CSMD1: variants seen among roughly 807,000 people sequenced by gnomAD.
CSMD1 encodes the protein CUB and sushi domain-containing protein 1.
Under a neutral mutation model 417.5 loss-of-function variants are expected in CSMD1, and 213 were observed. That is an observed-to-expected ratio of 0.51 (90% CI 0.46 to 0.57). The LOEUF (loss-of-function observed/expected upper bound fraction) is 0.57. Ranked by LOEUF, CSMD1 falls within the 20% of genes least tolerant of loss-of-function variation. The probability of loss-of-function intolerance (pLI) is 0.00; values close to 1 mark genes in which losing one functional copy is unlikely to be tolerated. For synonymous variants in CSMD1, 2,862 were observed against 1,736.8 expected, an observed-to-expected ratio of 1.65 and a Z score of -16.11; for missense variants, 6,923 against 4,529.7, an observed-to-expected ratio of 1.53 and a Z score of -15.17.
At chr8:3,538,406 T>A (rs1798294256) in intron 10 of CSMD1, among the ~76,000 whole-genome samples, 1 of 152,004 alleles carries the variant, frequency 6.6e-6, no homozygotes, top group Non-Finnish European at 1.5e-5. Flanking sequence ...CTGAGATGCC[T>A]CACCTAAAAT....
intron 2 of CSMD1, among the ~76,000 whole-genome samples, chr8:4,540,472 G>A (rs1223222035): frequency 1.3e-5 from 2 of 152,190 alleles, no homozygotes; most frequent in African/African-American, 4.8e-5. Flanking sequence ...GGGAGGCTGA[G>A]GCAGGAGAAT....
At chr8:3,218,496 G>C (rs1480814838) in intron 29 of CSMD1, among the ~76,000 whole-genome samples, 2 of 149,838 alleles carry the variant, frequency 1.3e-5, no homozygotes, top group Non-Finnish European at 3.0e-5. Context: ...TGGAGGCAGA[G>C]GTTGCAGTGA....
chr8:4,460,956 TTATAGA>T (rs1451402693), intron 2 of CSMD1, among the ~76,000 whole-genome samples: 1 of 152,126 alleles, frequency 6.6e-6, no homozygotes, highest in Non-Finnish European at 1.5e-5. Flanking sequence ...CCAGACATAG[TTATAGA>T]TAGAAACTAC....
Position 4,791,802 on chromosome 8 carries a change from G to A in CSMD1, c.86-154244C>T, listed in dbSNP as rs1797704658. On this transcript the variant is annotated intron_variant, in intron 1 of 69. Coordinates refer to ENST00000635120, the MANE Select transcript of CSMD1 (RefSeq NM_033225.6). ...TTCACTTTGAGATTCCTCCAGTTTG[G>A]GTGGCATTCTCTGACACTGACCTAC... is the stretch of plus-strand genomic sequence containing the variant. 2.0e-5 allele frequency among the ~76,000 whole-genome samples: 3 copies of A among 151,968 alleles called. No individual in the cohort carries two copies. In the South Asian group the frequency reaches 6.2e-4, roughly 32 times the overall value.
At chr8:3,467,480 G>C (rs925867164) in intron 12 of CSMD1, among the ~76,000 whole-genome samples, 1 of 152,198 alleles carries the variant, frequency 6.6e-6, no homozygotes, top group Non-Finnish European at 1.5e-5. Flanking sequence ...ACGTCAGGAG[G>C]TATTCAGCAG....
In CSMD1 at chr8:3,379,700, G is replaced by A. The variant is rs542003344; in HGVS notation, c.2782+7794C>T. 5.0e-3 allele frequency among the ~76,000 whole-genome samples: 765 copies of A among 152,238 alleles called. 3 individuals are homozygous for A. Among genetic ancestry groups the A allele is most frequent in the Non-Finnish European group, 8.7e-3 (595 of 68,014 alleles). ...TGGGAAAACTGGCTAGCCATATGCA[G>A]AAAACTGAAACTGGACCCCTTCCTT... On this transcript the variant is annotated intron_variant, in intron 18 of 69. Transcript: ENST00000635120.
intron 17 of CSMD1, among the ~76,000 whole-genome samples, chr8:3,395,216 T>C (rs538036808): frequency 5.7e-4 from 87 of 152,308 alleles, no homozygotes; most frequent in African/African-American, 1.9e-3. Context: ...ATCTTTACAA[T>C]AGTACTTGAG....
chr8:4,926,381 T>C (rs1287583314), intron 1 of CSMD1, among the ~76,000 whole-genome samples: 4 of 152,056 alleles, frequency 2.6e-5, no homozygotes, highest in African/African-American at 9.7e-5. Context: ...CTTTACGATA[T>C]TTTCTGTATT....
At position 4,595,049 on chromosome 8, in the gene CSMD1, C is replaced by T. The variant is rs542186994; in HGVS notation, c.302+42293G>A. On this transcript the variant is annotated intron_variant, in intron 2 of 69. Transcript: ENST00000635120. ...TCCTTGTTGTATGTCACTAACAAAC[C>T]TTAGAGGTGTAAACATAGGTGTGCC... is the stretch of plus-strand genomic sequence containing the variant. Among the ~76,000 whole-genome samples, 9 of 152,170 alleles carry T rather than the reference C, an allele frequency of 5.9e-5. No homozygotes were observed. The South Asian group carries it at 1.9e-3, about 32-fold the overall frequency.
intron 5 of CSMD1, among the ~76,000 whole-genome samples, chr8:3,757,073 G>T (rs184843997): frequency 1.3e-5 from 2 of 152,244 alleles, no homozygotes; most frequent in East Asian, 1.9e-4. Flanking sequence ...AGAGTGCTGG[G>T]ATTACAGGCG....
intron 12 of CSMD1, among the ~76,000 whole-genome samples, chr8:3,463,627 C>T (rs1047316143): frequency 2.0e-5 from 3 of 152,188 alleles, no homozygotes; most frequent in African/African-American, 4.8e-5. Context: ...GAGCTGTCCT[C>T]GGTTCAGGGA....
At chr8:4,949,779 G>A (rs1237460865) in intron 1 of CSMD1, among the ~76,000 whole-genome samples, 1 of 152,034 alleles carries the variant, frequency 6.6e-6, no homozygotes, top group African/African-American at 2.4e-5. Flanking sequence ...AAGTTTCTGT[G>A]GCATTTCCTA....
At chr8:3,322,945 G>C (rs1467558249) in intron 23 of CSMD1, among the ~76,000 whole-genome samples, 2 of 151,788 alleles carry the variant, frequency 1.3e-5, no homozygotes, top group East Asian at 1.9e-4. Flanking sequence ...TTTTGTTTTT[G>C]TTTTTGTTTT....
At chr8:4,902,569 T>C in intron 1 of CSMD1, among the ~76,000 whole-genome samples, 2 of 152,238 alleles carry the variant, frequency 1.3e-5, no homozygotes, top group East Asian at 3.8e-4. Context: ...TTCTTAGAAT[T>C]AGAAAATATT....
At chr8:4,057,384 G>GT (rs200799412) in intron 3 of CSMD1, among the ~76,000 whole-genome samples, 17,589 of 151,994 alleles carry the variant, frequency 0.12, 1,549 homozygotes, top group East Asian at 0.35. Context: ...GGGGTTATTT[G>GT]TTTTTTTCTT....
At chr8:4,001,506 C>A (rs1563304577) in intron 4 of CSMD1, among the ~76,000 whole-genome samples, 1 of 152,092 alleles carries the variant, frequency 6.6e-6, no homozygotes, top group Non-Finnish European at 1.5e-5. Context: ...TGCTGGTGCC[C>A]ACCCCTGAGT....
chr8:4,275,468 A>G (rs1160256580), intron 3 of CSMD1, among the ~76,000 whole-genome samples: 61 of 152,116 alleles, frequency 4.0e-4, no homozygotes, highest in Admixed American at 3.3e-3. Context: ...TTTTACGTGT[A>G]GATCACAGAT....
chr8:4,745,189 T>C (rs542560787), intron 1 of CSMD1, among the ~76,000 whole-genome samples: 2 of 152,312 alleles, frequency 1.3e-5, no homozygotes, highest in African/African-American at 4.8e-5. Flanking sequence ...AATGAAACCT[T>C]AATTTTGTAT....
chr8:4,780,174 A>G (rs1182148385), intron 1 of CSMD1, among the ~76,000 whole-genome samples: 1 of 152,196 alleles, frequency 6.6e-6, no homozygotes, highest in Non-Finnish European at 1.5e-5. Flanking sequence ...ATCTTTGACA[A>G]CCTAGTGCGC....
Sources: allele counts gnomAD v4.1 joint callset (sites outside exome capture counted in the v4.1 genomes callset), GRCh38; gene constraint gnomAD v4.1.1; transcripts MANE v1.5; gene names NCBI Gene and HGNC (gene_info 2026-07-23, HGNC 2026-07-21).